SEMA3E: variants seen among roughly 807,000 people sequenced by gnomAD.
SEMA3E encodes the protein semaphorin 3E.
In SEMA3E, 49 loss-of-function variants were observed where a neutral mutation model predicts 93.6. That is an observed-to-expected ratio of 0.52 (90% confidence interval 0.42 to 0.66). The LOEUF is 0.66. SEMA3E is among the 30% of genes least tolerant of loss of function. The pLI is 0.00. For synonymous variants in SEMA3E, 363 were observed against 330.7 expected, an observed-to-expected ratio of 1.10 and a Z score of -1.06; for missense variants, 906 against 964.8, an observed-to-expected ratio of 0.94 and a Z score of 0.81.
At chr7:83,548,784 C>T (rs1639305) in intron 1 of SEMA3E, among the ~76,000 whole-genome samples, 86,997 of 151,908 alleles carry the variant, frequency 0.57, 26,641 homozygotes, top group African/African-American at 0.8. Context: ...TTAGGTATGA[C>T]TGCATGCCTG....
intron 4 of SEMA3E, among the ~76,000 whole-genome samples, chr7:83,458,989 A>G (rs1789555092): frequency 6.9e-6 from 1 of 145,920 alleles, no homozygotes; most frequent in Non-Finnish European, 1.5e-5. Flanking sequence ...ATATATATAC[A>G]CACACTGAAG....
intron 1 of SEMA3E, among the ~76,000 whole-genome samples, chr7:83,619,213 A>G (rs1323738155): frequency 6.6e-6 from 1 of 151,730 alleles, no homozygotes; most frequent in Non-Finnish European, 1.5e-5. Flanking sequence ...ATAATTTTAT[A>G]TTTTCCGGCC....
chr7:83,385,979 G>C (rs375740676), intron 15 of SEMA3E, among the ~76,000 whole-genome samples: 40 of 152,122 alleles, frequency 2.6e-4, no homozygotes, highest in African/African-American at 9.2e-4. Context: ...GACCAGAAAG[G>C]CTCTTACTGG....
At chr7:83,442,440 C>A (rs1789133723) in intron 4 of SEMA3E, among the ~76,000 whole-genome samples, 1 of 152,098 alleles carries the variant, frequency 6.6e-6, no homozygotes. Flanking sequence ...TACTCACTGT[C>A]CACTTGGCTC....
Position 83,648,706 on chromosome 7 carries a change from G to T in SEMA3E, c.-164C>A, listed in dbSNP as rs115205083. The T allele has an allele frequency of 2.3e-3, 1,597 of 692,812 alleles. 15 individuals are homozygous for T. The African/African-American group carries it at 0.026, about 11-fold the overall frequency. The allele number at this position is 692,812 out of a possible 1,614,324, so 42.9% of individuals were successfully genotyped here. A position where few individuals can be genotyped will look rare whatever the true frequency, so the allele number is the denominator to read the frequency against. On this transcript the variant is annotated 5_prime_UTR_variant, in exon 1 of 17. Coordinates refer to ENST00000643230, the MANE Select transcript of SEMA3E (RefSeq NM_012431.3). ...AAGTGCCATTTGTCAGGCTGTATTT[G>T]GCTATGTAAAACCTTTCTTTCCTCG...
At chr7:83,565,122 T>G (rs141854214) in intron 1 of SEMA3E, among the ~76,000 whole-genome samples, 1 of 151,984 alleles carries the variant, frequency 6.6e-6, no homozygotes, top group African/African-American at 2.4e-5. Context: ...CCTAGACACA[T>G]ACACCGTCCC....
At chr7:83,462,921 T>C (rs1391147079) in intron 4 of SEMA3E, among the ~76,000 whole-genome samples, 3 of 111,984 alleles carry the variant, frequency 2.7e-5, no homozygotes, top group African/African-American at 8.3e-5. Context: ...AAACATGCTT[T>C]CTTTACTATT....
chr7:83,437,515 GCTTT>G (rs1004419002), intron 4 of SEMA3E, among the ~76,000 whole-genome samples: 6 of 151,782 alleles, frequency 4.0e-5, no homozygotes, highest in South Asian at 2.1e-4. Flanking sequence ...AAAAACAAAG[GCTTT>G]CTTTCTTATT....
chr7:83,584,478 G>T (rs534601838), intron 1 of SEMA3E, among the ~76,000 whole-genome samples: 9 of 152,166 alleles, frequency 5.9e-5, no homozygotes, highest in Middle Eastern at 3.4e-3. Flanking sequence ...AATACCACTG[G>T]TAGAAAATTA....
At chr7:83,383,642 G>C (rs1203629443) in intron 16 of SEMA3E, among the ~76,000 whole-genome samples, 2 of 151,812 alleles carry the variant, frequency 1.3e-5, no homozygotes, top group African/African-American at 2.4e-5. Flanking sequence ...GTTGAAAATA[G>C]GTACTAAAAA....
intron 1 of SEMA3E, among the ~76,000 whole-genome samples, chr7:83,538,121 T>C (rs1791442468): frequency 6.6e-6 from 1 of 152,206 alleles, no homozygotes. Context: ...ATATTTGGGA[T>C]GTTTCCACCT....
chr7:83,478,633 C>T (rs1790073121), intron 2 of SEMA3E, among the ~76,000 whole-genome samples: 1 of 152,164 alleles, frequency 6.6e-6, no homozygotes, highest in South Asian at 2.1e-4. Context: ...TGTACAGTTA[C>T]ATCTAATACC....
intron 1 of SEMA3E, among the ~76,000 whole-genome samples, chr7:83,589,381 C>T (rs993076165): frequency 6.6e-6 from 1 of 151,928 alleles, no homozygotes; most frequent in Non-Finnish European, 1.5e-5. Context: ...TAATCTTATT[C>T]CTGAGAGACT....
intron 1 of SEMA3E, among the ~76,000 whole-genome samples, chr7:83,626,331 G>C (rs1208866099): frequency 6.6e-6 from 1 of 152,090 alleles, no homozygotes; most frequent in Non-Finnish European, 1.5e-5. Flanking sequence ...AATCCATCTG[G>C]TCCTGGGCTT....
intron 1 of SEMA3E, among the ~76,000 whole-genome samples, chr7:83,570,360 C>T (rs891684499): frequency 8.0e-5 from 12 of 149,934 alleles, no homozygotes; most frequent in African/African-American, 3.0e-4. Flanking sequence ...GAGACCATCC[C>T]GGCTAAAACG....
At chr7:83,382,665 A>G (rs970440262) in intron 16 of SEMA3E, among the ~76,000 whole-genome samples, 1 of 151,460 alleles carries the variant, frequency 6.6e-6, no homozygotes. Flanking sequence ...TTAATAACTT[A>G]TTATTACTTA....
At chr7:83,368,165 T>C in intron 16 of SEMA3E, 127 bp from the exon 17 acceptor site, 1 of 782,946 alleles carries the variant, frequency 1.3e-6, no homozygotes. Context: ...CTGAAAATCA[T>C]ACATACACAA....
chr7:83,609,209 C>T, intron 1 of SEMA3E, among the ~76,000 whole-genome samples: 1 of 151,884 alleles, frequency 6.6e-6, no homozygotes, highest in East Asian at 1.9e-4. Flanking sequence ...TATGTTGAAA[C>T]AGTGTATGTC....
intron 12 of SEMA3E, 98 bp downstream of exon 12, chr7:83,396,540 C>A: frequency 1.4e-6 from 1 of 718,174 alleles, no homozygotes; most frequent in Non-Finnish European, 2.5e-6. Context: ...CACAACATAC[C>A]TGTTAGGGAA....
Sources: gnomAD v4.1 joint callset for allele counts (sites outside exome capture counted in the v4.1 genomes callset) on GRCh38, gnomAD v4.1.1 for gene constraint, MANE v1.5 for transcripts, NCBI Gene and HGNC (gene_info 2026-07-23, HGNC 2026-07-21) for gene names.